COL4A2: variants seen among roughly 807,000 people sequenced by gnomAD.
COL4A2 encodes collagen type IV alpha 2 chain.
COL4A2 carries 99 observed loss-of-function variants against 200.2 expected under a neutral mutation model. That is an observed-to-expected ratio of 0.49 (90% CI 0.42 to 0.58). The LOEUF (loss-of-function observed/expected upper bound fraction) is 0.58. Among genes scored for constraint, COL4A2 ranks in the 20% least tolerant of loss-of-function variants. The pLI, the probability that COL4A2 is intolerant of heterozygous loss-of-function variation, is 0.00. For missense variants in COL4A2, 1,950 were observed against 2,314.1 expected, an observed-to-expected ratio of 0.84 and a Z score of 3.23; for synonymous variants, 897 against 900.6, an observed-to-expected ratio of 1.00 and a Z score of 0.07.
At chr13:110,318,623 T>C (rs1215877504) in intron 3 of COL4A2, among the ~76,000 whole-genome samples, 1 of 152,194 alleles carries the variant, frequency 6.6e-6, no homozygotes, top group Non-Finnish European at 1.5e-5. Context: ...CAGGTGATGT[T>C]GGTGCGAGTA....
At chr13:110,355,546 TGTGTGGGG>T (rs1877182526) in intron 3 of COL4A2, among the ~76,000 whole-genome samples, 1 of 57,172 alleles carries the variant, frequency 1.7e-5, no homozygotes, top group Non-Finnish European at 3.1e-5. Flanking sequence ...CTCACCTGTG[TGTGTGGGG>T]GAGGGCTGTA....
At chr13:110,379,322 A>C (rs1354459718) in intron 4 of COL4A2, among the ~76,000 whole-genome samples, 12 of 152,174 alleles carry the variant, frequency 7.9e-5, no homozygotes, top group Admixed American at 7.9e-4. Flanking sequence ...AGTGCTCAGC[A>C]CCCTAAGCTA....
intron 22 of COL4A2, 139 bp downstream of exon 22, chr13:110,459,073 T>A: frequency 1.2e-6 from 1 of 854,816 alleles, no homozygotes; most frequent in Non-Finnish European, 1.7e-6. Context: ...TAAACCATTC[T>A]AAAAACCCAC....
chr13:110,505,618 A>G (rs1883835218), intron 45 of COL4A2, among the ~76,000 whole-genome samples: 1 of 152,162 alleles, frequency 6.6e-6, no homozygotes, highest in African/African-American at 2.4e-5. Flanking sequence ...GTCACTGGGG[A>G]TAGCTGAGAA....
At chr13:110,318,265 A>G (rs1885192057) in intron 3 of COL4A2, among the ~76,000 whole-genome samples, 1 of 152,240 alleles carries the variant, frequency 6.6e-6, no homozygotes, top group African/African-American at 2.4e-5. Flanking sequence ...TGTCTGGGTC[A>G]GAGCAAGGAC....
chr13:110,395,498 T>C (rs919272102), intron 4 of COL4A2, among the ~76,000 whole-genome samples: 3 of 152,226 alleles, frequency 2.0e-5, no homozygotes, highest in Non-Finnish European at 4.4e-5. Context: ...CCACTCCTCA[T>C]GTTGCAAAGT....
intron 40 of COL4A2, among the ~76,000 whole-genome samples, chr13:110,500,131 A>C (rs387344): frequency 0.49 from 75,227 of 152,106 alleles, 19,193 homozygotes; most frequent in South Asian, 0.69. Flanking sequence ...TGGATAATGG[A>C]TACCAGGATC....
intron 4 of COL4A2, among the ~76,000 whole-genome samples, chr13:110,385,080 C>T (rs188376572): frequency 4.9e-4 from 74 of 152,092 alleles, no homozygotes; most frequent in African/African-American, 1.4e-3. Context: ...TTGGCTAACA[C>T]GGTAAAACAC....
intron 3 of COL4A2, among the ~76,000 whole-genome samples, chr13:110,312,155 C>T (rs541759717): frequency 9.2e-5 from 14 of 152,302 alleles, no homozygotes; most frequent in African/African-American, 2.9e-4. Context: ...CTCCTCTGCT[C>T]GTGGATAAAC....
intron 34 of COL4A2, among the ~76,000 whole-genome samples, chr13:110,488,129 G>A (rs1157788560): frequency 2.0e-5 from 3 of 152,126 alleles, no homozygotes; most frequent in East Asian, 1.9e-4. Context: ...TGGTTCAAGC[G>A]ATTCCCCTGC....
intron 46 of COL4A2, 41 bp from the exon 47 acceptor site, chr13:110,507,894 A>C (rs1594117855): frequency 6.3e-7 from 1 of 1,593,836 alleles, no homozygotes. Flanking sequence ...TGCGTCTTCT[A>C]GCCACACTGC....
rs1421493505 is a variant in COL4A2 at position 110,357,854 on chromosome 13, T to C, written c.180+302T>C. Among the ~76,000 whole-genome samples the C allele has an allele frequency of 4.6e-5, 7 of 152,320 alleles. 1 individual carries two copies. The South Asian group carries it at 1.2e-3, about 27-fold the overall frequency. ...AAAAAGATGTAAAATGGGACTCCTG[T>C]GTAGGGCATTTACCATGAACGGAGC... On this transcript the variant is annotated intron_variant, in intron 4 of 47. Transcript: ENST00000360467.
intron 3 of COL4A2, among the ~76,000 whole-genome samples, chr13:110,324,675 G>C (rs1265982912): frequency 6.6e-6 from 1 of 152,200 alleles, no homozygotes; most frequent in Non-Finnish European, 1.5e-5. Flanking sequence ...GCTGCCCAGG[G>C]TGCCACAGTG....
At chr13:110,415,199 G>A (rs1198178594) in intron 4 of COL4A2, among the ~76,000 whole-genome samples, 6 of 152,022 alleles carry the variant, frequency 3.9e-5, no homozygotes, top group Non-Finnish European at 7.4e-5. Context: ...TGATAGTGGT[G>A]GTTACACAAC....
intron 24 of COL4A2, among the ~76,000 whole-genome samples, chr13:110,465,027 C>T (rs907123064): frequency 3.3e-5 from 5 of 152,154 alleles, no homozygotes; most frequent in Admixed American, 1.3e-4. Flanking sequence ...GCCATTTTAC[C>T]GATGCTAAAT....
At chr13:110,406,633 C>CTT (rs11378330) in intron 4 of COL4A2, among the ~76,000 whole-genome samples, 24 of 149,680 alleles carry the variant, frequency 1.6e-4, no homozygotes, top group Middle Eastern at 6.8e-3. Context: ...TAGTGGGACT[C>CTT]TTTTTTTTTT....
In COL4A2 at chr13:110,505,126, G is replaced by A. The variant is rs769386173; in HGVS notation, c.4402+862G>A. Among the ~76,000 whole-genome samples, 676 of 151,650 alleles carry A rather than the reference G, an allele frequency of 4.5e-3. 7 individuals carry two copies. Among genetic ancestry groups the A allele is most frequent in the African/African-American group, 0.015 (599 of 41,310 alleles). ...AGCACTTTGGGAGGCTGAGGTGGGC[G>A]GATCACAAGGGCAGGAGATCGAGAC... On this transcript the variant is annotated intron_variant, in intron 45 of 47. Coordinates refer to ENST00000360467, the MANE Select transcript of COL4A2 (RefSeq NM_001846.4).
chr13:110,457,997 C>T (rs1881844128), intron 21 of COL4A2: 2 of 407,340 alleles, frequency 4.9e-6, no homozygotes, highest in South Asian at 3.8e-5. Context: ...CGAGGCCGTC[C>T]TCTGTGAGGC....
At chr13:110,417,043 C>T (rs1335501251) in intron 4 of COL4A2, among the ~76,000 whole-genome samples, 2 of 151,490 alleles carry the variant, frequency 1.3e-5, no homozygotes, top group Admixed American at 6.6e-5. Flanking sequence ...TGCAGTGGCA[C>T]GATCTTGGCT....
Sources: allele counts gnomAD v4.1 joint callset (sites outside exome capture counted in the v4.1 genomes callset), GRCh38; gene constraint gnomAD v4.1.1; transcripts MANE v1.5; gene names NCBI Gene and HGNC (gene_info 2026-07-23, HGNC 2026-07-21).